The following GPC3 variants were observed in gnomAD, a reference collection of about 807,000 sequenced individuals.
The protein encoded by GPC3 is glypican 3.
GPC3 carries 3 observed loss-of-function variants against 34.4 expected under a neutral mutation model. That is an observed-to-expected ratio of 0.09 (90% confidence interval 0.04 to 0.23). GPC3 has a LOEUF of 0.23. GPC3 is among the 10% of genes least tolerant of loss of function. The pLI, the probability that GPC3 is intolerant of heterozygous loss-of-function variation, is 1.00. For synonymous variants in GPC3, 177 were observed against 174.0 expected, an observed-to-expected ratio of 1.02 and a Z score of -0.13; for missense variants, 351 against 445.6, an observed-to-expected ratio of 0.79 and a Z score of 1.91.
intron 2 of GPC3, among the ~76,000 whole-genome samples, chrX:133,951,714 C>T (rs374311556): frequency 2.7e-5 from 3 of 112,159 alleles, no homozygotes; most frequent in East Asian, 5.6e-4. Flanking sequence ...AGTCTGACTG[C>T]ATAAATAGTT....
chrX:133,620,893 G>C (rs7876556), intron 6 of GPC3, among the ~76,000 whole-genome samples: 15 of 110,954 alleles, frequency 1.4e-4, no homozygotes, highest in African/African-American at 4.9e-4. Flanking sequence ...TACCTTTCCG[G>C]ACCAAACCAA....
At chrX:133,907,981 C>T (rs775980678) in intron 2 of GPC3, among the ~76,000 whole-genome samples, 8 of 110,124 alleles carry the variant, frequency 7.3e-5, no homozygotes, top group Admixed American at 2.9e-4. Context: ...TGCTAATTTT[C>T]GAGTAAAAAA....
chrX:133,625,203 A>C (rs1447888996), intron 6 of GPC3, among the ~76,000 whole-genome samples: 1 of 111,975 alleles, frequency 8.9e-6, no homozygotes, highest in Non-Finnish European at 1.9e-5. Context: ...ACCCACAGCC[A>C]ATATCATACT....
intron 2 of GPC3, among the ~76,000 whole-genome samples, chrX:133,893,991 C>T (rs1195094896): frequency 9.0e-6 from 1 of 110,543 alleles, no homozygotes; most frequent in Non-Finnish European, 1.9e-5. Context: ...TACAGGCGCC[C>T]GCCATCAAGC....
intron 1 of GPC3, among the ~76,000 whole-genome samples, chrX:133,970,192 T>C (rs771791663): frequency 8.9e-5 from 10 of 111,786 alleles, no homozygotes; most frequent in Non-Finnish European, 1.7e-4. Flanking sequence ...ATTAGGCCAC[T>C]AGCTGCTGTT....
chrX:133,668,723 A>G (rs1217969273), intron 5 of GPC3, among the ~76,000 whole-genome samples: 2 of 111,494 alleles, frequency 1.8e-5, no homozygotes, highest in Non-Finnish European at 3.8e-5. Flanking sequence ...GCTGAGGCAC[A>G]GAGAAGGTAG....
chrX:133,704,537 A>T (rs752687667), intron 3 of GPC3, among the ~76,000 whole-genome samples: 1 of 109,178 alleles, frequency 9.2e-6, no homozygotes, highest in East Asian at 2.9e-4. Flanking sequence ...GTGATTGGAC[A>T]AAGAGGTTAT....
At chrX:133,692,640 C>T (rs770681922) in intron 4 of GPC3, 146 bp from the exon 5 acceptor site, 21 of 506,215 alleles carry the variant, frequency 4.1e-5, no homozygotes, top group Non-Finnish European at 6.6e-5. Flanking sequence ...GGCTACAAGG[C>T]CACAGTTTAG....
intron 2 of GPC3, among the ~76,000 whole-genome samples, chrX:133,826,012 T>C (rs1318883036): frequency 9.0e-6 from 1 of 111,621 alleles, no homozygotes; most frequent in Admixed American, 9.5e-5. Flanking sequence ...TAAATACAAT[T>C]AAAACAAATA....
At chrX:133,645,914 A>C (rs942462276) in intron 6 of GPC3, among the ~76,000 whole-genome samples, 1 of 111,039 alleles carries the variant, frequency 9.0e-6, no homozygotes, top group Non-Finnish European at 1.9e-5. Flanking sequence ...GTGGCATGGC[A>C]TAAGTGGGAG....
chrX:133,964,491 T>C (rs1297632314), intron 1 of GPC3, among the ~76,000 whole-genome samples: 1 of 111,785 alleles, frequency 8.9e-6, no homozygotes, highest in Admixed American at 9.5e-5. Context: ...TCAACAAGAA[T>C]GATGAGGTAA....
chrX:133,815,073 TG>T (rs2075683637), intron 2 of GPC3, among the ~76,000 whole-genome samples: 1 of 109,887 alleles, frequency 9.1e-6, no homozygotes, highest in African/African-American at 3.3e-5. Flanking sequence ...TAATTTCCAA[TG>T]GGGAAAAAAA....
At chrX:133,876,165 T>C (rs1005158441) in intron 2 of GPC3, among the ~76,000 whole-genome samples, 4 of 112,433 alleles carry the variant, frequency 3.6e-5, no homozygotes, top group Admixed American at 2.8e-4. Context: ...ATAATTCTTA[T>C]GCAACTTTAA....
intron 2 of GPC3, among the ~76,000 whole-genome samples, chrX:133,765,480 C>T (rs2071836404): frequency 9.0e-6 from 1 of 111,632 alleles, no homozygotes; most frequent in African/African-American, 3.2e-5. Flanking sequence ...CTGGTAGTGC[C>T]TTTATCTAAT....
intron 2 of GPC3, among the ~76,000 whole-genome samples, chrX:133,878,740 C>G (rs972685361): frequency 8.9e-6 from 1 of 111,917 alleles, no homozygotes; most frequent in Non-Finnish European, 1.9e-5. Flanking sequence ...GGATGTGCCA[C>G]TATTCTGCCC....
At chrX:133,881,667 T>G (rs1437719375) in intron 2 of GPC3, among the ~76,000 whole-genome samples, 1 of 112,221 alleles carries the variant, frequency 8.9e-6, no homozygotes, top group Non-Finnish European at 1.9e-5. Flanking sequence ...ACCTGAATTC[T>G]TAAAGGGTGA....
chrX:133,607,567 C>T (rs1032619816), intron 6 of GPC3, among the ~76,000 whole-genome samples: 4 of 112,032 alleles, frequency 3.6e-5, no homozygotes, highest in Non-Finnish European at 7.5e-5. Flanking sequence ...TGTGCCAGCC[C>T]TATTCATTGA....
At chrX:133,912,516 T>C (rs1365775217) in intron 2 of GPC3, among the ~76,000 whole-genome samples, 1 of 110,100 alleles carries the variant, frequency 9.1e-6, no homozygotes, top group Non-Finnish European at 1.9e-5. Context: ...ATTGGGTTTT[T>C]TTTTTTTTTT....
At chrX:133,605,404 C>A (rs2070037906) in intron 6 of GPC3, among the ~76,000 whole-genome samples, 1 of 111,889 alleles carries the variant, frequency 8.9e-6, no homozygotes, top group African/African-American at 3.2e-5. Context: ...TCATATAGTT[C>A]CATGTATTCT....
Sources: gnomAD v4.1 joint callset for allele counts (sites outside exome capture counted in the v4.1 genomes callset) on GRCh38, gnomAD v4.1.1 for gene constraint, MANE v1.5 for transcripts, NCBI Gene and HGNC (gene_info 2026-07-23, HGNC 2026-07-21) for gene names.